KCNAB1: variants seen among roughly 807,000 people sequenced by gnomAD.
KCNAB1 encodes voltage-gated potassium channel subunit beta-1.
In KCNAB1, 35 loss-of-function variants were observed where a neutral mutation model predicts 64.6. The observed-to-expected ratio is 0.54, with a 90% CI of 0.41 to 0.72. The LOEUF is 0.72. Among genes scored for constraint, KCNAB1 ranks in the 30% least tolerant of loss-of-function variants. The pLI, the probability that KCNAB1 is intolerant of heterozygous loss-of-function variation, is 0.00. For missense variants in KCNAB1, 401 were observed against 512.9 expected, an observed-to-expected ratio of 0.78 and a Z score of 2.11; for synonymous variants, 177 against 183.8, an observed-to-expected ratio of 0.96 and a Z score of 0.30.
intron 1 of KCNAB1, chr3:156,176,873 C>A: frequency 8.5e-7 from 1 of 1,176,448 alleles, no homozygotes; most frequent in East Asian, 2.3e-5. Flanking sequence ...CTGGGACCAG[C>A]GGTAACTCTG....
intron 1 of KCNAB1, among the ~76,000 whole-genome samples, chr3:156,156,655 G>T (rs1436834943): frequency 7.9e-5 from 12 of 152,186 alleles, no homozygotes; most frequent in Admixed American, 3.9e-4. Context: ...CCAACAAGTT[G>T]CCCTTAAATT....
chr3:156,172,476 C>T (rs1431307198), intron 1 of KCNAB1, among the ~76,000 whole-genome samples: 3 of 152,080 alleles, frequency 2.0e-5, no homozygotes, highest in African/African-American at 4.8e-5. Context: ...GACAGGGTTT[C>T]GCCATGTTGG....
chr3:156,336,181 G>A (rs1359803931), intron 1 of KCNAB1, among the ~76,000 whole-genome samples: 2 of 152,104 alleles, frequency 1.3e-5, no homozygotes, highest in Admixed American at 6.5e-5. Context: ...CCAACATGGC[G>A]AAACCCCGAC....
At chr3:156,422,782 A>G (rs1715549639) in intron 2 of KCNAB1, among the ~76,000 whole-genome samples, 1 of 152,190 alleles carries the variant, frequency 6.6e-6, no homozygotes, top group African/African-American at 2.4e-5. Flanking sequence ...GACAGAATAG[A>G]AAACAGAGGC....
chr3:156,309,258 A>T (rs1721723658), intron 1 of KCNAB1, among the ~76,000 whole-genome samples: 1 of 152,194 alleles, frequency 6.6e-6, no homozygotes, highest in African/African-American at 2.4e-5. Context: ...TTTAAATCTG[A>T]CTTGTCTGAG....
At chr3:156,188,013 C>T (rs67899274) in intron 1 of KCNAB1, among the ~76,000 whole-genome samples, 15,719 of 152,126 alleles carry the variant, frequency 0.1, 1,118 homozygotes, top group Non-Finnish European at 0.15. Context: ...ATATGGGACC[C>T]TTGGTGGGCA....
At chr3:156,170,131 G>A (rs1238173704) in intron 1 of KCNAB1, among the ~76,000 whole-genome samples, 1 of 152,044 alleles carries the variant, frequency 6.6e-6, no homozygotes, top group Non-Finnish European at 1.5e-5. Flanking sequence ...CTCCAAATTG[G>A]GATGAAGAGA....
At chr3:156,497,077 T>C (rs924617968) in intron 8 of KCNAB1, among the ~76,000 whole-genome samples, 10 of 152,320 alleles carry the variant, frequency 6.6e-5, no homozygotes, top group Admixed American at 3.3e-4. Context: ...TGCTGGGTAA[T>C]TCACTGTTGA....
In KCNAB1 at chr3:156,325,320, G is replaced by A. The variant is rs1025530205; in HGVS notation, c.276-96296G>A. Among the ~76,000 whole-genome samples, 9 of 152,084 alleles carry A rather than the reference G, an allele frequency of 5.9e-5. No homozygotes were observed. The South Asian group carries it at 1.9e-3, about 32-fold the overall frequency. On this transcript the variant is annotated intron_variant, in intron 1 of 13. Transcript: ENST00000490337. ...ATAATTACTCCATGGCAAGTTATGGGTCCCACTGTAGTGTTCATTCTCTTT... is the reference window on the plus strand; with the variant it reads ...ATAATTACTCCATGGCAAGTTATGGATCCCACTGTAGTGTTCATTCTCTTT...
At chr3:156,360,932 C>A (rs972819286) in intron 1 of KCNAB1, among the ~76,000 whole-genome samples, 2 of 152,044 alleles carry the variant, frequency 1.3e-5, no homozygotes, top group East Asian at 3.9e-4. Context: ...GCCTCCTAAC[C>A]GATCCTGCTG....
chr3:156,270,017 G>A (rs1415963527), intron 1 of KCNAB1, among the ~76,000 whole-genome samples: 11 of 150,200 alleles, frequency 7.3e-5, no homozygotes, highest in Non-Finnish European at 1.2e-4. Flanking sequence ...CTGGGTTCGC[G>A]CCATTCTCCT....
intron 1 of KCNAB1, among the ~76,000 whole-genome samples, chr3:156,177,453 A>C (rs1244658070): frequency 2.7e-5 from 4 of 149,512 alleles, no homozygotes; most frequent in Admixed American, 2.7e-4. Context: ...CTCGGCTCAC[A>C]GCAAGCTCCG....
intron 8 of KCNAB1, among the ~76,000 whole-genome samples, chr3:156,485,620 G>T (rs1715150824): frequency 6.6e-6 from 1 of 151,650 alleles, no homozygotes; most frequent in Non-Finnish European, 1.5e-5. Context: ...AGATTCGGGG[G>T]TACATGTGCA....
intron 1 of KCNAB1, among the ~76,000 whole-genome samples, chr3:156,355,275 C>G (rs1201036848): frequency 1.3e-5 from 2 of 152,144 alleles, no homozygotes; most frequent in African/African-American, 4.8e-5. Context: ...ACCAAAGAAT[C>G]CCATTATTTT....
intron 1 of KCNAB1, among the ~76,000 whole-genome samples, chr3:156,145,963 C>T (rs1203025771): frequency 2.6e-5 from 4 of 152,072 alleles, no homozygotes; most frequent in Non-Finnish European, 5.9e-5. Context: ...TTTCCATGCT[C>T]AGCTTTAGAA....
At chr3:156,210,118 G>A (rs1714920681) in intron 1 of KCNAB1, among the ~76,000 whole-genome samples, 1 of 152,190 alleles carries the variant, frequency 6.6e-6, no homozygotes, top group African/African-American at 2.4e-5. Flanking sequence ...TTGAATTGGA[G>A]TGGAAGAAGC....
At chr3:156,307,582 T>C in intron 1 of KCNAB1, among the ~76,000 whole-genome samples, 1 of 152,146 alleles carries the variant, frequency 6.6e-6, no homozygotes, top group Non-Finnish European at 1.5e-5. Context: ...GAAATCATTC[T>C]GGTGCTGTCA....
In KCNAB1 at chr3:156,347,758, C is replaced by T. The variant is rs529060078; in HGVS notation, c.276-73858C>T. Among the ~76,000 whole-genome samples the T allele has an allele frequency of 5.9e-5, 9 of 152,278 alleles. No homozygotes were observed. In the East Asian group the frequency reaches 1.7e-3, roughly 29 times the overall value. On this transcript the variant is annotated intron_variant, in intron 1 of 13. Coordinates refer to ENST00000490337, the MANE Select transcript of KCNAB1 (RefSeq NM_172160.3). ...CATTTTCAAGCTCTTCAAAGTTGTACCCTTCAAATTTTCTTAAAATCCACT... is the reference window on the plus strand; with the variant it reads ...CATTTTCAAGCTCTTCAAAGTTGTATCCTTCAAATTTTCTTAAAATCCACT...
chr3:156,264,812 G>A (rs768576838), intron 1 of KCNAB1, among the ~76,000 whole-genome samples: 3 of 152,134 alleles, frequency 2.0e-5, no homozygotes, highest in East Asian at 1.9e-4. Flanking sequence ...CATTCCCTGC[G>A]AATCTTGTTT....
Sources: gnomAD v4.1 joint callset for allele counts (sites outside exome capture counted in the v4.1 genomes callset) on GRCh38, gnomAD v4.1.1 for gene constraint, MANE v1.5 for transcripts, NCBI Gene and HGNC (gene_info 2026-07-23, HGNC 2026-07-21) for gene names.